The following ASF1A variants were observed in gnomAD, a reference collection of about 807,000 sequenced individuals.
The protein encoded by ASF1A is anti-silencing function 1A histone chaperone, also known as histone chaperone ASF1A.
A neutral mutation model predicts 22.0 loss-of-function variants in ASF1A; 5 were observed. The observed-to-expected ratio is 0.23, with a 90% confidence interval of 0.12 to 0.48. The LOEUF (loss-of-function observed/expected upper bound fraction) is 0.48. Among genes scored for constraint, ASF1A ranks in the 20% least tolerant of loss-of-function variants. The pLI, the probability that ASF1A is intolerant of heterozygous loss-of-function variation, is 0.99. For missense variants in ASF1A, 137 were observed against 240.6 expected, an observed-to-expected ratio of 0.57 and a Z score of 2.85; for synonymous variants, 97 against 86.7, an observed-to-expected ratio of 1.12 and a Z score of -0.66.
chr6:118,896,234 A>C (rs1412229892), intron 1 of ASF1A, among the ~76,000 whole-genome samples: 1 of 152,150 alleles, frequency 6.6e-6, no homozygotes, highest in Non-Finnish European at 1.5e-5. Flanking sequence ...CATTGCAGCT[A>C]CCAGGCCCAT....
In ASF1A at chr6:118,894,382, C is replaced by T. The variant is rs755417692; in HGVS notation, c.-32C>T. ...GGACTTTATTGTGCCGCAACCAGCC[C>T]CAGTTCCCATTGTTTGTGTTTTTTT... is the stretch of plus-strand genomic sequence containing the variant. On this transcript the variant is annotated 5_prime_UTR_variant, in exon 1 of 4. Transcript: ENST00000229595. 1.2e-5 allele frequency: 18 copies of T among 1,536,616 alleles called. No individual in the cohort carries two copies. In the East Asian group the frequency reaches 3.9e-4, roughly 33 times the overall value.
At position 118,908,185 on chromosome 6, in the gene ASF1A, G is replaced by C. The variant is rs760175196; in HGVS notation, c.*571G>C. On this transcript the variant is annotated 3_prime_UTR_variant, in exon 4 of 4. Coordinates refer to ENST00000229595, the MANE Select transcript of ASF1A (RefSeq NM_014034.3). ...TTATGGCTACTATTATAGTTCATGAGATGTTGGACAGCATTTGGTTTGTTT... is the reference window on the plus strand; with the variant it reads ...TTATGGCTACTATTATAGTTCATGACATGTTGGACAGCATTTGGTTTGTTT... 3 of 152,150 alleles carry C rather than the reference G, an allele frequency of 2.0e-5. No homozygotes were observed. The highest frequency in any genetic ancestry group is 6.5e-5 in the Admixed American group (1 of 15,280). 9.4% of individuals were successfully genotyped at this position (152,150 alleles called of 1,614,324 possible). A position where few individuals can be genotyped will look rare whatever the true frequency, so the allele number is the denominator to read the frequency against.
At chr6:118,899,831 T>G (rs993072663) in intron 1 of ASF1A, among the ~76,000 whole-genome samples, 3 of 152,188 alleles carry the variant, frequency 2.0e-5, no homozygotes, top group African/African-American at 7.2e-5. Context: ...GGAGTGCTTG[T>G]GTAACAGTGT....
chr6:118,907,328 A>G lies in ASF1A; in HGVS notation c.403-74A>G. On this transcript the variant is annotated intron_variant, in intron 3 of 3. Coordinates refer to ENST00000229595, the MANE Select transcript of ASF1A (RefSeq NM_014034.3). ...TAGGAGTACTAACATGAACCATTTT[A>G]TTAAGCTTCTATTTGTATATGGTGA... 3.7e-6 allele frequency: 4 copies of G among 1,086,544 alleles called. No individual in the cohort carries two copies. The Middle Eastern group carries it at 7.2e-4, about 196-fold the overall frequency. The allele number at this position is 1,086,544 out of a possible 1,614,324, so 67.3% of individuals were successfully genotyped here.
At chr6:118,907,024 T>C (rs992139665) in intron 3 of ASF1A, among the ~76,000 whole-genome samples, 16 of 152,348 alleles carry the variant, frequency 1.1e-4, no homozygotes, top group African/African-American at 3.8e-4. Flanking sequence ...AATTTTTCAT[T>C]TTCCTTTGAA....
At chr6:118,898,338 G>A (rs779096417) in intron 1 of ASF1A, among the ~76,000 whole-genome samples, 3 of 151,694 alleles carry the variant, frequency 2.0e-5, no homozygotes, top group Non-Finnish European at 4.4e-5. Flanking sequence ...CCACAAATGC[G>A]AATTTATACC....
intron 2 of ASF1A, among the ~76,000 whole-genome samples, chr6:118,904,438 A>G (rs1163882089): frequency 6.6e-6 from 1 of 152,210 alleles, no homozygotes; most frequent in Non-Finnish European, 1.5e-5. Flanking sequence ...GGCAACAGGT[A>G]AGCTAATTTG....
chr6:118,904,229 T>C (rs185220272), intron 2 of ASF1A, among the ~76,000 whole-genome samples: 7 of 151,976 alleles, frequency 4.6e-5, no homozygotes, highest in Admixed American at 4.6e-4. Flanking sequence ...ATGAAAAAAA[T>C]GTTGAGACTG....
At position 118,904,837 on chromosome 6, in the gene ASF1A, A is replaced by AGTTTT. The variant is rs764227067; in HGVS notation, c.226-800_226-796dup. On this transcript the variant is annotated intron_variant, in intron 2 of 3. Coordinates refer to ENST00000229595, the MANE Select transcript of ASF1A (RefSeq NM_014034.3). ...ATGTAGCTATTTCCATCTCATTTTC[A>AGTTTT]GTTTTGTTTTGTTTTGTTTGAGACG... Among the ~76,000 whole-genome samples, 10 of 152,112 alleles carry AGTTTT rather than the reference A, an allele frequency of 6.6e-5. No individual in the cohort carries two copies. In the East Asian group the frequency reaches 7.7e-4, roughly 12 times the overall value.
At chr6:118,898,897 C>T (rs1390070070) in intron 1 of ASF1A, among the ~76,000 whole-genome samples, 2 of 152,166 alleles carry the variant, frequency 1.3e-5, no homozygotes, top group Admixed American at 1.3e-4. Flanking sequence ...CTAGAGCAAG[C>T]CCATGTATTT....
intron 1 of ASF1A, among the ~76,000 whole-genome samples, chr6:118,896,831 A>G (rs1779450714): frequency 8.7e-6 from 1 of 115,554 alleles, no homozygotes; most frequent in Non-Finnish European, 1.9e-5. Context: ...AAATTAAACT[A>G]TAGAATTTTT....
chr6:118,906,535 C>T (rs902960430), intron 3 of ASF1A, among the ~76,000 whole-genome samples: 5 of 152,156 alleles, frequency 3.3e-5, no homozygotes, highest in Non-Finnish European at 7.4e-5. Context: ...TGTAACTCTT[C>T]CCAAAATTAT....
At chr6:118,901,002 C>T in intron 2 of ASF1A, 121 bp downstream of exon 2, 1 of 693,294 alleles carries the variant, frequency 1.4e-6, no homozygotes, top group Admixed American at 2.6e-5. Flanking sequence ...GCTGCATTCA[C>T]TTTAAATCTG....
chr6:118,898,285 T>C (rs577223692), intron 1 of ASF1A, among the ~76,000 whole-genome samples: 68 of 152,326 alleles, frequency 4.5e-4, no homozygotes, highest in African/African-American at 1.6e-3. Context: ...GTAGGTATTT[T>C]CTAAAATAGG....
rs753139107 is a variant in ASF1A at position 118,905,731 on chromosome 6, G to A, written c.305G>A (p.Arg102Gln). 5 of 1,613,350 alleles carry A rather than the reference G, an allele frequency of 3.1e-6. No individual in the cohort carries two copies. The highest frequency in any genetic ancestry group is 3.4e-6 in the Non-Finnish European group (4 of 1,179,456). ...GTTGTGCTAATTACTTGTACCTATC[G>A]AGGACAAGAATTTATTAGAGTTGGC... ...VTVVLITCTYRGQEFIRVGYY... is the reference protein window; with the variant it reads ...VTVVLITCTYQGQEFIRVGYY... Residue 102 changes from arginine to glutamine, a missense_variant, in exon 3 of 4, where the codon CGA becomes CAA. Arg to Gln is a conservative substitution (Grantham distance 43). Around this residue, in one of 2 missense-constraint regions of ASF1A, gnomAD observed 96 missense variants for 196.7 expected, o/e 0.49. Transcript: ENST00000229595.
At chr6:118,900,925 A>T in intron 2 of ASF1A, 44 bp downstream of exon 2, 1 of 1,309,736 alleles carries the variant, frequency 7.6e-7, no homozygotes, top group Non-Finnish European at 1.1e-6. Context: ...TATGTTTCGA[A>T]GTAGACTATA....
intron 1 of ASF1A, among the ~76,000 whole-genome samples, chr6:118,897,880 T>A (rs974822743): frequency 6.6e-6 from 1 of 151,292 alleles, no homozygotes; most frequent in Non-Finnish European, 1.5e-5. Context: ...GTATTGAGCA[T>A]GTAAAACTCA....
intron 2 of ASF1A, among the ~76,000 whole-genome samples, chr6:118,903,763 T>C (rs1250249253): frequency 6.6e-6 from 1 of 151,128 alleles, no homozygotes; most frequent in African/African-American, 2.5e-5. Context: ...TTTAAATTTG[T>C]TTTTGTAGAG....
chr6:118,897,025 G>A (rs947728167), intron 1 of ASF1A, among the ~76,000 whole-genome samples: 3 of 152,020 alleles, frequency 2.0e-5, no homozygotes, highest in African/African-American at 7.3e-5. Flanking sequence ...TTTTTGTAGA[G>A]ACGGAGTTTT....
Sources: allele counts gnomAD v4.1 joint callset (sites outside exome capture counted in the v4.1 genomes callset), GRCh38; gene constraint gnomAD v4.1.1; regional missense constraint gnomAD v4.1.1; transcripts MANE v1.5; gene names NCBI Gene and HGNC (gene_info 2026-07-23, HGNC 2026-07-21).